The following ALK variants were observed in gnomAD, a reference collection of about 807,000 sequenced individuals.
ALK encodes the protein ALK tyrosine kinase receptor.
Under a neutral mutation model 163.1 loss-of-function variants are expected in ALK, and 74 were observed. The observed-to-expected ratio is 0.45, with a 90% CI of 0.38 to 0.55. ALK has a LOEUF of 0.55. Among genes scored for constraint, ALK ranks in the 20% least tolerant of loss-of-function variants. The pLI, the probability that ALK is intolerant of heterozygous loss-of-function variation, is 0.00. For synonymous variants in ALK, 960 were observed against 843.2 expected (o/e 1.14, Z -2.40); for missense variants, 2,063 against 2,105.3 (o/e 0.98, Z 0.39).
At chr2:29,214,152 C>T (rs2148159782) in intron 23 of ALK, 71 bp from the exon 24 acceptor site, 1 of 1,329,034 alleles carries the variant, frequency 7.5e-7, no homozygotes, top group South Asian at 1.2e-5. Context: ...GAAATGCTGG[C>T]TTCCAGTGCT....
intron 4 of ALK, among the ~76,000 whole-genome samples, chr2:29,488,095 A>G (rs974927160): frequency 1.3e-5 from 2 of 152,084 alleles, no homozygotes; most frequent in African/African-American, 4.8e-5. Flanking sequence ...ACTTAACTTC[A>G]TAGCAGCTGG....
chr2:29,775,397 T>A (rs1376115385), intron 1 of ALK, among the ~76,000 whole-genome samples: 2 of 152,174 alleles, frequency 1.3e-5, no homozygotes, highest in African/African-American at 4.8e-5. Flanking sequence ...GAGATTGTCA[T>A]GCCACCAGGG....
Position 29,253,892 on chromosome 2 carries a change from ATAGG to A in ALK, c.2042-2629_2042-2626del, listed in dbSNP as rs59554701. Among the ~76,000 whole-genome samples, 1,176 of 135,694 alleles carry A rather than the reference ATAGG, an allele frequency of 8.7e-3. 16 individuals are homozygous for A. The highest frequency in any genetic ancestry group is 0.035 in the African/African-American group (1,076 of 30,374). The allele number at this position is 135,694 out of a possible 152,430, so 89.0% of individuals were successfully genotyped here. A position where few individuals can be genotyped will look rare whatever the true frequency, so the allele number is the denominator to read the frequency against. ...GATAGATAGATAGATAGATAGATAG[ATAGG>A]TAGATAGCTGTGGTTTGGCTGTGTC... On this transcript the variant is annotated intron_variant, in intron 11 of 28. Coordinates refer to ENST00000389048, the MANE Select transcript of ALK (RefSeq NM_004304.5).
chr2:29,223,388 TGGA>T lies in ALK; in HGVS notation c.3310_3312del (p.Ser1104del), dbSNP rs1338813327. 3 of 1,614,020 alleles carry T rather than the reference TGGA, an allele frequency of 1.9e-6. No homozygotes were observed. Among genetic ancestry groups the T allele is most frequent in the African/African-American group, 2.7e-5 (2 of 74,922 alleles). On this transcript the variant is annotated inframe_deletion, in exon 20 of 29. Transcript: ENST00000389048. Reference sequence around the variant, plus strand: ...CGCGGCACCTCCTTCAGGTCACTGATGGAGGAGGTCTTGCCAGCAAAGCAGTAG... The same window carrying T: ...CGCGGCACCTCCTTCAGGTCACTGATGGAGGTCTTGCCAGCAAAGCAGTAG...
At chr2:29,607,871 CTTTT>C (rs952784754) in intron 3 of ALK, among the ~76,000 whole-genome samples, 1 of 149,562 alleles carries the variant, frequency 6.7e-6, no homozygotes, top group African/African-American at 2.5e-5. Flanking sequence ...ACATTTCTTT[CTTTT>C]TTTTTTCAAT....
rs74554052 is a variant in ALK at position 29,490,366 on chromosome 2, G to A, written c.1154+41549C>T. 1.1e-4 allele frequency among the ~76,000 whole-genome samples: 17 copies of A among 152,324 alleles called. No individual in the cohort carries two copies. In the East Asian group the frequency reaches 2.7e-3, roughly 24 times the overall value. ...ATTCCAATAATCTGAAAGTGTTCACGTGCCAGGTCAATGTTGGGGAAAAAG... is the reference window on the plus strand; with the variant it reads ...ATTCCAATAATCTGAAAGTGTTCACATGCCAGGTCAATGTTGGGGAAAAAG... On this transcript the variant is annotated intron_variant, in intron 4 of 28. Coordinates refer to ENST00000389048, the MANE Select transcript of ALK (RefSeq NM_004304.5).
intron 22 of ALK, chr2:29,221,278 C>T (rs1187950357): frequency 5.8e-6 from 3 of 517,234 alleles, no homozygotes. Flanking sequence ...GAAACAGAGC[C>T]AGCAAAAGGG....
intron 1 of ALK, among the ~76,000 whole-genome samples, chr2:29,849,436 CG>C (rs1558517374): frequency 6.6e-6 from 1 of 152,146 alleles, no homozygotes; most frequent in African/African-American, 2.4e-5. Context: ...AGGCAGGAGG[CG>C]GAACATGCTG....
At chr2:29,655,069 C>A (rs1677147332) in intron 3 of ALK, among the ~76,000 whole-genome samples, 1 of 152,070 alleles carries the variant, frequency 6.6e-6, no homozygotes. Flanking sequence ...ATATTGGTTT[C>A]CAGGAATATA....
chr2:29,887,707 TA>T (rs1285956671), intron 1 of ALK, among the ~76,000 whole-genome samples: 1 of 152,190 alleles, frequency 6.6e-6, no homozygotes, highest in Non-Finnish European at 1.5e-5. Flanking sequence ...ATGGACATTT[TA>T]AAAGTCACAC....
intron 6 of ALK, 65 bp downstream of exon 6, chr2:29,328,285 T>TGGGGACAAC (rs1667334283): frequency 3.7e-6 from 6 of 1,612,064 alleles, no homozygotes; most frequent in Non-Finnish European, 5.1e-6. Context: ...CCTGGGATAA[T>TGGGGACAAC]GGGGACAACG....
At position 29,776,924 on chromosome 2, in the gene ALK, C is replaced by G. The variant is rs2339475; in HGVS notation, c.668-59227G>C. On this transcript the variant is annotated intron_variant, in intron 1 of 28. Coordinates refer to ENST00000389048, the MANE Select transcript of ALK (RefSeq NM_004304.5). ...CAGGATACCACCTTGCCCAGGTGAA[C>G]CAGGACTACTTGTGACCTAAGAATC... is the stretch of plus-strand genomic sequence containing the variant. Among the ~76,000 whole-genome samples the G allele has an allele frequency of 9.8e-3, 1,488 of 152,172 alleles. 86 individuals are homozygous for G. Among genetic ancestry groups the G allele is most frequent in the Admixed American group, 0.088 (1,351 of 15,302 alleles).
At chr2:29,506,408 G>A (rs1672323131) in intron 4 of ALK, among the ~76,000 whole-genome samples, 1 of 152,160 alleles carries the variant, frequency 6.6e-6, no homozygotes, top group Non-Finnish European at 1.5e-5. Context: ...AACAGGGTGA[G>A]CTCATCAGGG....
At chr2:29,893,580 G>A (rs888356037) in intron 1 of ALK, among the ~76,000 whole-genome samples, 5 of 152,090 alleles carry the variant, frequency 3.3e-5, no homozygotes, top group Admixed American at 2.0e-4. Flanking sequence ...AATGTTCCAG[G>A]ATTCTTTCTC....
At chr2:29,860,324 GC>G (rs1240982324) in intron 1 of ALK, among the ~76,000 whole-genome samples, 1 of 150,166 alleles carries the variant, frequency 6.7e-6, no homozygotes, top group African/African-American at 2.4e-5. Context: ...GAAGTCTCTT[GC>G]TCAACTATGA....
At chr2:29,260,109 T>A (rs565344666) in intron 11 of ALK, among the ~76,000 whole-genome samples, 53 of 152,346 alleles carry the variant, frequency 3.5e-4, no homozygotes, top group African/African-American at 1.3e-3. Context: ...AGGCATAAAC[T>A]GTTGTGTTTG....
At chr2:29,632,756 C>A (rs376080605) in intron 3 of ALK, among the ~76,000 whole-genome samples, 1 of 152,108 alleles carries the variant, frequency 6.6e-6, no homozygotes, top group East Asian at 1.9e-4. Flanking sequence ...TGGCTGGGGA[C>A]GCCTCAAAAT....
chr2:29,412,477 C>T (rs547059938), intron 4 of ALK, among the ~76,000 whole-genome samples: 1 of 152,306 alleles, frequency 6.6e-6, no homozygotes, highest in East Asian at 1.9e-4. Context: ...CCTTAAAAAC[C>T]TTGAAACCTG....
intron 4 of ALK, among the ~76,000 whole-genome samples, chr2:29,475,622 C>T (rs2148114238): frequency 6.6e-6 from 1 of 152,314 alleles, no homozygotes; most frequent in Middle Eastern, 3.4e-3. Context: ...AAGTGAGTGG[C>T]TAAGCCCCTG....
Sources: allele counts gnomAD v4.1 joint callset (sites outside exome capture counted in the v4.1 genomes callset), GRCh38; gene constraint gnomAD v4.1.1; transcripts MANE v1.5; gene names NCBI Gene and HGNC (gene_info 2026-07-23, HGNC 2026-07-21).